The following UHMK1 variants were observed in gnomAD, a reference collection of about 807,000 sequenced individuals.
The protein encoded by UHMK1 is U2AF homology motif kinase 1, also known as serine/threonine-protein kinase Kist.
UHMK1 carries 18 observed loss-of-function variants against 44.0 expected under a neutral mutation model. The ratio of observed to expected loss-of-function variants is 0.41; its 90% CI spans 0.28 to 0.61. The LOEUF is 0.61. Ranked by LOEUF, UHMK1 falls within the 20% of genes least tolerant of loss-of-function variation. The pLI is 0.31. For missense variants in UHMK1, 463 were observed against 522.5 expected, an observed-to-expected ratio of 0.89 and a Z score of 1.11; for synonymous variants, 231 against 198.5, an observed-to-expected ratio of 1.16 and a Z score of -1.38.
rs542913308 is a variant in UHMK1, at chr1:162,501,321, C to A, written c.753+217C>A. Among the ~76,000 whole-genome samples, 7 of 152,290 alleles carry A rather than the reference C, an allele frequency of 4.6e-5. No homozygotes were observed. The South Asian group carries it at 1.5e-3, about 32-fold the overall frequency. Reference sequence around the variant, plus strand: ...AGTAGCTGGGATTACAGGCGCCAGCCACCGTACCCGGCTAATTTTTGTATT... The same window carrying A: ...AGTAGCTGGGATTACAGGCGCCAGCAACCGTACCCGGCTAATTTTTGTATT... On this transcript the variant is annotated intron_variant, in intron 3 of 7. Coordinates refer to ENST00000489294, the MANE Select transcript of UHMK1 (RefSeq NM_175866.5).
Position 162,523,272 on chromosome 1 carries a change from C to T in UHMK1, c.*722C>T, listed in dbSNP as rs1436874465. The T allele has an allele frequency of 6.6e-6, 1 of 152,538 alleles. No individual in the cohort carries two copies. The highest frequency in any genetic ancestry group is 1.5e-5 in the Non-Finnish European group (1 of 68,020). 9.4% of individuals were successfully genotyped at this position (152,538 alleles called of 1,614,324 possible). A position where few individuals can be genotyped will look rare whatever the true frequency, so the allele number is the denominator to read the frequency against. ...GTCAGTGTACTTTATAGTGTGAATC[C>T]TGTGAGCTAATACAGTCTATACTTA... On this transcript the variant is annotated 3_prime_UTR_variant, in exon 8 of 8. Transcript: ENST00000489294.
Position 162,502,103 on chromosome 1 carries a change from G to A in UHMK1, c.753+999G>A, listed in dbSNP as rs564696359. Among the ~76,000 whole-genome samples the A allele has an allele frequency of 1.0e-3, 154 of 152,240 alleles. 1 individual carries two copies. Among genetic ancestry groups the A allele is most frequent in the Non-Finnish European group, 1.8e-3 (123 of 68,006 alleles). The stretch of plus-strand genomic sequence containing the variant: ...AGGCAGGAGGATCACTTAAACAGTA[G>A]CCTAAAGGATACTGATATTATCACA... On this transcript the variant is annotated intron_variant, in intron 3 of 7. Transcript: ENST00000489294.
upstream of UHMK1, chr1:162,497,804 C>T (rs1571000363): frequency 1.5e-6 from 2 of 1,350,068 alleles, no homozygotes; most frequent in Admixed American, 3.8e-5. Flanking sequence ...GCTCTTCCTC[C>T]ATTTCCGGCT....
intron 7 of UHMK1, among the ~76,000 whole-genome samples, chr1:162,518,687 C>CAAA (rs71093184): frequency 7.0e-6 from 1 of 143,576 alleles, no homozygotes. Context: ...GACTTCATCT[C>CAAA]AAAAAAAAAA....
intron 1 of UHMK1, 54 bp downstream of exon 1, chr1:162,498,322 T>A: frequency 2.0e-6 from 3 of 1,516,854 alleles, no homozygotes; most frequent in African/African-American, 2.8e-5. Flanking sequence ...CCGAGCACAC[T>A]CTTCCTCTCG....
At chr1:162,504,120 C>T (rs910208770) in intron 4 of UHMK1, among the ~76,000 whole-genome samples, 8 of 152,116 alleles carry the variant, frequency 5.3e-5, no homozygotes, top group Admixed American at 3.9e-4. Flanking sequence ...TGATGGAAAG[C>T]AGGTTTTTAA....
intron 6 of UHMK1, among the ~76,000 whole-genome samples, chr1:162,514,805 A>G (rs988982291): frequency 6.6e-6 from 1 of 152,224 alleles, no homozygotes; most frequent in Non-Finnish European, 1.5e-5. Context: ...TTCATTTTGG[A>G]CAAGAGGAAT....
At chr1:162,497,220 G>A (rs1434335754), upstream of UHMK1, 2 of 700,028 alleles carry the variant, frequency 2.9e-6, no homozygotes, top group African/African-American at 1.8e-5. Flanking sequence ...GAAGCCTCCA[G>A]GTACCAGGCT....
intron 1 of UHMK1, among the ~76,000 whole-genome samples, chr1:162,498,495 T>C (rs975831851): frequency 6.6e-6 from 1 of 152,240 alleles, no homozygotes; most frequent in Non-Finnish European, 1.5e-5. Flanking sequence ...CAGTAAATTG[T>C]CTTGCTTCGA....
Position 162,498,225 on chromosome 1 carries a change from A to G in UHMK1, c.225A>G (p.Lys75=), listed in dbSNP as rs1651132340. 6.2e-7 allele frequency: 1 copy of G among 1,609,192 alleles called. No homozygotes were observed. The highest frequency in any genetic ancestry group is 8.5e-7 in the Non-Finnish European group (1 of 1,177,472). Reference sequence around the variant, plus strand: ...CTGCCGCCGAGTATGGTTTCCGCAAAGAGAGGGCGGCGCTGGAACAGTTGC... The same window carrying G: ...CTGCCGCCGAGTATGGTTTCCGCAAGGAGAGGGCGGCGCTGGAACAGTTGC... ...AASAAEYGFR[K]ERAALEQLQG... is the part of the protein sequence containing the mutation. The change falls in exon 1 of 8, where the codon AAA becomes AAG. Residue 75 remains lysine, a synonymous_variant. Coordinates refer to ENST00000489294, the MANE Select transcript of UHMK1 (RefSeq NM_175866.5).
chr1:162,498,120 T>C lies in UHMK1; in HGVS notation c.120T>C (p.Val40=), dbSNP rs761267894. The C allele has an allele frequency of 6.2e-7, 1 of 1,612,554 alleles. No homozygotes were observed. The highest frequency in any genetic ancestry group is 1.3e-5 in the African/African-American group (1 of 75,054). ...GCTCCTCCGCCTCGGTGTATCGGGT[T>C]CGCTGCTGCGGCAACCCTGGCTCGC... ...GSGSSASVYR[V]RCCGNPGSPP... Residue 40 remains valine (V), a synonymous_variant, in exon 1 of 8, where the codon GTT becomes GTC. Coordinates refer to ENST00000489294, the MANE Select transcript of UHMK1 (RefSeq NM_175866.5).
chr1:162,497,724 A>C, upstream of UHMK1: 5 of 1,159,074 alleles, frequency 4.3e-6, no homozygotes, highest in Non-Finnish European at 4.4e-6. Context: ...CTTTTTTCCA[A>C]ACCTAGCGCG....
rs977074314 is a variant in UHMK1, at chr1:162,526,427, G to A, written c.*3877G>A. On this transcript the variant is annotated 3_prime_UTR_variant, in exon 8 of 8. Transcript: ENST00000489294. The stretch of plus-strand genomic sequence containing the variant: ...CTTATGCAGGGGTACATGCTAGGTG[G>A]CTTTATTCAGATTCGGGTACATTGG... 2 of 152,030 alleles carry A rather than the reference G, an allele frequency of 1.3e-5. No individual in the cohort carries two copies. Among genetic ancestry groups the A allele is most frequent in the Non-Finnish European group, 2.9e-5 (2 of 67,978 alleles). 9.4% of individuals were successfully genotyped at this position (152,030 alleles called of 1,614,324 possible). A position where few individuals can be genotyped will look rare whatever the true frequency, so the allele number is the denominator to read the frequency against.
At chr1:162,505,224 A>T (rs1017194730) in intron 4 of UHMK1, among the ~76,000 whole-genome samples, 3 of 152,196 alleles carry the variant, frequency 2.0e-5, no homozygotes, top group African/African-American at 7.2e-5. Context: ...CAGGGTCAGG[A>T]TCATCAATAT....
chr1:162,506,222 A>AAC (rs1651461686), intron 4 of UHMK1, among the ~76,000 whole-genome samples: 1 of 28,430 alleles, frequency 3.5e-5, no homozygotes, highest in East Asian at 8.8e-4. Context: ...TTTAAATAAT[A>AAC]GCCCCCCCCC....
At position 162,507,577 on chromosome 1, in the gene UHMK1, CTTTCTTTTTTTT is replaced by C. The variant is rs772527173; in HGVS notation, c.848+3743_848+3754del. ...CATAAGCCACCACCCCCAACCCATT[CTTTCTTTTTTTT>C]TTTCTTTTTTTTTGTGATACGGAGT... On this transcript the variant is annotated intron_variant, in intron 4 of 7. Transcript: ENST00000489294. Among the ~76,000 whole-genome samples, 646 of 125,082 alleles carry C rather than the reference CTTTCTTTTTTTT, an allele frequency of 5.2e-3. 2 individuals carry two copies. The highest frequency in any genetic ancestry group is 8.2e-3 in the Non-Finnish European group (472 of 57,428). The allele number at this position is 125,082 out of a possible 152,430, so 82.1% of individuals were successfully genotyped here. A position where few individuals can be genotyped will look rare whatever the true frequency, so the allele number is the denominator to read the frequency against.
At chr1:162,510,435 T>C (rs1651626004) in intron 4 of UHMK1, among the ~76,000 whole-genome samples, 1 of 152,212 alleles carries the variant, frequency 6.6e-6, no homozygotes, top group Admixed American at 6.5e-5. Context: ...TTCTGTGACA[T>C]CAACACTTTT....
rs972061615 is a variant in UHMK1, at chr1:162,499,340, AT to A, written c.269-609del. On this transcript the variant is annotated intron_variant, in intron 1 of 7. Coordinates refer to ENST00000489294, the MANE Select transcript of UHMK1 (RefSeq NM_175866.5). ...AGGCACGTAGCACCAAGCCTGGCTA[AT>A]TTTTTGTAGAGAAGAGGTCCCCTTT... 1.3e-5 allele frequency among the ~76,000 whole-genome samples: 2 copies of A among 152,024 alleles called. 1 individual carries two copies. Among genetic ancestry groups the A allele is most frequent in the Admixed American group, 1.3e-4 (2 of 15,254 alleles).
At chr1:162,521,716 C>T (rs1018866294) in intron 7 of UHMK1, among the ~76,000 whole-genome samples, 3 of 152,224 alleles carry the variant, frequency 2.0e-5, no homozygotes, top group African/African-American at 7.2e-5. Context: ...GCAACCTTCG[C>T]CTCCCGGGTT....
Sources: allele counts gnomAD v4.1 joint callset (sites outside exome capture counted in the v4.1 genomes callset), GRCh38; gene constraint gnomAD v4.1.1; transcripts MANE v1.5; gene names NCBI Gene and HGNC (gene_info 2026-07-23, HGNC 2026-07-21).